Variants in NLRP1 observed in about 807,000 individuals in gnomAD.
The protein encoded by NLRP1 is NLR family pyrin domain containing 1, also known as NACHT, LRR and PYD domains-containing protein 1.
In NLRP1, 94 loss-of-function variants were observed where a neutral mutation model predicts 136.7. The ratio of observed to expected loss-of-function variants is 0.69; its 90% confidence interval spans 0.58 to 0.82. The LOEUF is 0.82. Among genes scored for constraint, NLRP1 ranks in the 40% least tolerant of loss-of-function variants. NLRP1 has a pLI of 0.00. For missense variants in NLRP1, 1,575 were observed against 1,802.7 expected, an observed-to-expected ratio of 0.87 and a Z score of 2.29; for synonymous variants, 690 against 725.1, an observed-to-expected ratio of 0.95 and a Z score of 0.78.
chr17:5,559,640 C>G lies in NLRP1; in HGVS notation c.1056G>C (p.Gly352=), dbSNP rs1481313791. The part of the protein sequence containing the change: ...TLARQVKEAW[G]RGQLYGDRFQ... ...AGCGGTCCCCATACAGCTGGCCTCT[C>G]CCCCAGGCTTCCTTCACCTGCCTGG... is the stretch of plus-strand genomic sequence containing the variant. The change falls in exon 4 of 17, where the codon GGG becomes GGC. Residue 352 remains glycine (G), a synonymous_variant. Coordinates refer to ENST00000572272, the MANE Select transcript of NLRP1 (RefSeq NM_033004.4). 6.2e-7 allele frequency: 1 copy of G among 1,614,228 alleles called. No homozygotes were observed. Among genetic ancestry groups the G allele is most frequent in the Middle Eastern group, 1.6e-4 (1 of 6,062 alleles).
At chr17:5,579,464 A>G (rs963653222) in intron 3 of NLRP1, among the ~76,000 whole-genome samples, 16 of 152,224 alleles carry the variant, frequency 1.1e-4, no homozygotes, top group African/African-American at 3.4e-4. Flanking sequence ...GATTGCAGAG[A>G]AACAGGAACA....
chr17:5,517,390 C>G (rs571298311), intron 15 of NLRP1, among the ~76,000 whole-genome samples: 12 of 131,408 alleles, frequency 9.1e-5, no homozygotes, highest in African/African-American at 2.9e-4. Context: ...CTTCCATTGA[C>G]TTTTTCTTTT....
chr17:5,555,608 T>C (rs1913949256), intron 4 of NLRP1, among the ~76,000 whole-genome samples: 1 of 152,086 alleles, frequency 6.6e-6, no homozygotes, highest in Non-Finnish European at 1.5e-5. Flanking sequence ...TCTTTGAAGA[T>C]TTCCCACCTG....
In NLRP1 at chr17:5,520,679, A is replaced by G. The variant is rs60007552; in HGVS notation, c.3915+202T>C. Reference sequence around the variant, plus strand: ...CCCAAGTCAAACCCCATCATCCTTCACATCCTGCATGTGATCCTCCCTCCT... The same window carrying G: ...CCCAAGTCAAACCCCATCATCCTTCGCATCCTGCATGTGATCCTCCCTCCT... On this transcript the variant is annotated intron_variant, in intron 14 of 16. Transcript: ENST00000572272. 4.6e-5 allele frequency among the ~76,000 whole-genome samples: 7 copies of G among 152,270 alleles called. No individual in the cohort carries two copies. The East Asian group carries it at 1.4e-3, about 29-fold the overall frequency.
At chr17:5,566,159 T>C (rs1597469902) in intron 3 of NLRP1, among the ~76,000 whole-genome samples, 1 of 152,122 alleles carries the variant, frequency 6.6e-6, no homozygotes, top group Admixed American at 6.5e-5. Context: ...TTTTTCTTTT[T>C]AATTTCATTT....
At chr17:5,526,014 C>T (rs1381791750) in intron 12 of NLRP1, among the ~76,000 whole-genome samples, 1 of 149,632 alleles carries the variant, frequency 6.7e-6, no homozygotes, top group African/African-American at 2.5e-5. Flanking sequence ...CTTGCTCTGT[C>T]ACCCAGGCTG....
At chr17:5,526,300 T>C (rs1909546028) in intron 12 of NLRP1, among the ~76,000 whole-genome samples, 1 of 152,182 alleles carries the variant, frequency 6.6e-6, no homozygotes, top group African/African-American at 2.4e-5. Flanking sequence ...TGAATATCCA[T>C]TTTGCTTAAT....
chr17:5,574,643 G>A (rs1290263452), intron 3 of NLRP1, among the ~76,000 whole-genome samples: 2 of 151,834 alleles, frequency 1.3e-5, no homozygotes, highest in Non-Finnish European at 2.9e-5. Flanking sequence ...AGAGAGTGGG[G>A]GCCAATATTC....
chr17:5,550,527 T>C (rs1913212041), intron 5 of NLRP1, among the ~76,000 whole-genome samples: 1 of 152,200 alleles, frequency 6.6e-6, no homozygotes, highest in African/African-American at 2.4e-5. Context: ...TTTCTGTAAG[T>C]TCAATTGTGA....
At position 5,530,514 on chromosome 17, in the gene NLRP1, C is replaced by A. The variant is rs181119217; in HGVS notation, c.3487G>T (p.Ala1163Ser). 6.2e-6 allele frequency: 10 copies of A among 1,614,202 alleles called. No homozygotes were observed. In the Admixed American group the frequency reaches 1.2e-4, roughly 19 times the overall value. The change falls in exon 12 of 17, where the codon GCT (alanine) becomes TCT (serine). Residue 1163 changes from alanine to serine, a missense_variant. Transcript: ENST00000572272. ...GCCACAAAGTGAGGGAGGTGCACAGCTTCCACAGCTCCAGGCTCAGCCTTG... is the reference window on the plus strand; with the variant it reads ...GCCACAAAGTGAGGGAGGTGCACAGATTCCACAGCTCCAGGCTCAGCCTTG... ...DIKAEPGAVE[A>S]VHLPHFVALQ... is the part of the protein sequence containing the mutation.
At chr17:5,520,269 C>T (rs1480240560) in intron 14 of NLRP1, among the ~76,000 whole-genome samples, 1 of 152,122 alleles carries the variant, frequency 6.6e-6, no homozygotes, top group African/African-American at 2.4e-5. Flanking sequence ...CTGGTAAGAC[C>T]CTGCCTCTAA....
chr17:5,573,227 G>T (rs1339535039), intron 3 of NLRP1, among the ~76,000 whole-genome samples: 2 of 152,214 alleles, frequency 1.3e-5, no homozygotes, highest in East Asian at 3.8e-4. Context: ...TTGCTAGCCA[G>T]CAGTCTGAGA....
At chr17:5,548,671 C>T (rs1912968253) in intron 5 of NLRP1, among the ~76,000 whole-genome samples, 1 of 152,304 alleles carries the variant, frequency 6.6e-6, no homozygotes, top group African/African-American at 2.4e-5. Context: ...CCTCTTCATG[C>T]CACATAAGGT....
intron 5 of NLRP1, 119 bp downstream of exon 5, chr17:5,553,267 A>T: frequency 1.1e-6 from 1 of 872,254 alleles, no homozygotes; most frequent in Non-Finnish European, 1.6e-6. Context: ...CATCCCGGCC[A>T]GAGAAGGCCT....
At chr17:5,543,924 C>A (rs908709397) in intron 5 of NLRP1, among the ~76,000 whole-genome samples, 1 of 152,106 alleles carries the variant, frequency 6.6e-6, no homozygotes, top group Non-Finnish European at 1.5e-5. Flanking sequence ...TTGCACAGGG[C>A]CCCGTGCTCA....
chr17:5,568,092 T>C (rs1275087549), intron 3 of NLRP1, among the ~76,000 whole-genome samples: 1 of 152,160 alleles, frequency 6.6e-6, no homozygotes, highest in Admixed American at 6.5e-5. Context: ...TACTTGGATA[T>C]CTTTCCCTAG....
chr17:5,545,329 GACACACAGACAC>G (rs995216525), intron 5 of NLRP1, among the ~76,000 whole-genome samples: 2 of 89,958 alleles, frequency 2.2e-5, no homozygotes, highest in African/African-American at 6.4e-5. Flanking sequence ...CTTACACACA[GACACACAGACAC>G]ACACACACAC....
At chr17:5,543,690 A>C (rs1912168342) in intron 5 of NLRP1, among the ~76,000 whole-genome samples, 1 of 149,712 alleles carries the variant, frequency 6.7e-6, no homozygotes. Context: ...ATCCCTGAGG[A>C]AGTGGAGGTG....
intron 15 of NLRP1, among the ~76,000 whole-genome samples, chr17:5,517,506 G>A (rs1908309466): frequency 6.6e-6 from 1 of 152,060 alleles, no homozygotes; most frequent in Non-Finnish European, 1.5e-5. Context: ...TTCTGCCTCA[G>A]CCTCCTGAGT....
Sources: gnomAD v4.1 joint callset for allele counts (sites outside exome capture counted in the v4.1 genomes callset) on GRCh38, gnomAD v4.1.1 for gene constraint, MANE v1.5 for transcripts, NCBI Gene and HGNC (gene_info 2026-07-23, HGNC 2026-07-21) for gene names.